FAM171B: variants seen among roughly 807,000 people sequenced by gnomAD.
FAM171B encodes protein FAM171B.
In FAM171B, 19 loss-of-function variants were observed where a neutral mutation model predicts 75.6. That is an observed-to-expected ratio of 0.25 (90% CI 0.18 to 0.37). FAM171B has a LOEUF of 0.37. Among genes scored for constraint, FAM171B ranks in the 10% least tolerant of loss-of-function variants. The pLI, the probability that FAM171B is intolerant of heterozygous loss-of-function variation, is 1.00. For synonymous variants in FAM171B, 367 were observed against 361.7 expected, an observed-to-expected ratio of 1.01 and a Z score of -0.17; for missense variants, 848 against 982.4, an observed-to-expected ratio of 0.86 and a Z score of 1.83.
chr2:186,736,898 T>A (rs1016433112), intron 1 of FAM171B, among the ~76,000 whole-genome samples: 2 of 152,170 alleles, frequency 1.3e-5, no homozygotes, highest in Non-Finnish European at 2.9e-5. Context: ...AAAATAGGTT[T>A]ATGCAAATGT....
intron 4 of FAM171B, 143 bp from the exon 5 acceptor site, chr2:186,750,991 C>T: frequency 1.9e-6 from 1 of 531,304 alleles, no homozygotes; most frequent in East Asian, 3.0e-5. Context: ...TTAAAAAATC[C>T]TTAATGTGTA....
At chr2:186,712,966 A>G (rs2105775573) in intron 1 of FAM171B, among the ~76,000 whole-genome samples, 1 of 152,378 alleles carries the variant, frequency 6.6e-6, no homozygotes, top group African/African-American at 2.4e-5. Flanking sequence ...TTCAATAATT[A>G]TCAAATGAAA....
At chr2:186,725,753 G>A (rs1236092695) in intron 1 of FAM171B, among the ~76,000 whole-genome samples, 1 of 152,150 alleles carries the variant, frequency 6.6e-6, no homozygotes, top group Non-Finnish European at 1.5e-5. Context: ...TCTACCTAGT[G>A]CCATCACATG....
At chr2:186,750,145 T>G (rs1690428293) in intron 4 of FAM171B, among the ~76,000 whole-genome samples, 1 of 152,172 alleles carries the variant, frequency 6.6e-6, no homozygotes, top group South Asian at 2.1e-4. Context: ...AGCAAATAGA[T>G]AAAAAGTATA....
rs1415986403 is a variant in FAM171B, at chr2:186,765,060, A to G, written c.*2237A>G. The G allele has an allele frequency of 2.0e-5, 3 of 151,928 alleles. No individual in the cohort carries two copies. Among genetic ancestry groups the G allele is most frequent in the Admixed American group, 1.3e-4 (2 of 15,224 alleles). The allele number at this position is 151,928 out of a possible 1,614,324, so 9.4% of individuals were successfully genotyped here. ...AAAACCTTATTATTTTTTACACTGC[A>G]CATGCTGTTCTCAATTGGTAATTAT... On this transcript the variant is annotated 3_prime_UTR_variant, in exon 8 of 8. Transcript: ENST00000304698.
intron 1 of FAM171B, among the ~76,000 whole-genome samples, chr2:186,723,663 G>T (rs1323751160): frequency 6.6e-6 from 1 of 152,156 alleles, no homozygotes; most frequent in Non-Finnish European, 1.5e-5. Context: ...AAAAGAATTA[G>T]TATATTTACT....
At chr2:186,708,916 A>G (rs895496653) in intron 1 of FAM171B, among the ~76,000 whole-genome samples, 1 of 152,214 alleles carries the variant, frequency 6.6e-6, no homozygotes, top group African/African-American at 2.4e-5. Flanking sequence ...CCATTCTTGC[A>G]CTGCTATAAA....
At chr2:186,713,059 T>C (rs1160557734) in intron 1 of FAM171B, among the ~76,000 whole-genome samples, 2 of 152,248 alleles carry the variant, frequency 1.3e-5, no homozygotes, top group African/African-American at 2.4e-5. Context: ...GGTGACCATC[T>C]AAACCTCAGT....
At chr2:186,712,978 T>C (rs1261480629) in intron 1 of FAM171B, among the ~76,000 whole-genome samples, 2 of 152,212 alleles carry the variant, frequency 1.3e-5, no homozygotes, top group Admixed American at 1.3e-4. Flanking sequence ...CAAATGAAAG[T>C]TCTATTTTTC....
rs1317100570 is a variant in FAM171B, at chr2:186,765,910, A to T, written c.*3087A>T. 1 of 152,152 alleles carries T rather than the reference A, an allele frequency of 6.6e-6. No individual in the cohort carries two copies. The highest frequency in any genetic ancestry group is 1.9e-4 in the East Asian group (1 of 5,200). The allele number at this position is 152,152 out of a possible 1,614,324, so 9.4% of individuals were successfully genotyped here. On this transcript the variant is annotated 3_prime_UTR_variant, in exon 8 of 8. Transcript: ENST00000304698. ...AAACTGTAACAACCTGAAGATTTGT[A>T]AAATGTTAAACATAGTTCATTAAAA...
chr2:186,733,328 G>A (rs1390717122), intron 1 of FAM171B, among the ~76,000 whole-genome samples: 1 of 152,188 alleles, frequency 6.6e-6, no homozygotes, highest in Non-Finnish European at 1.5e-5. Context: ...CAAGGCAGGG[G>A]AATTGCAATG....
At chr2:186,750,550 T>C (rs1293427010) in intron 4 of FAM171B, among the ~76,000 whole-genome samples, 1 of 152,226 alleles carries the variant, frequency 6.6e-6, no homozygotes, top group African/African-American at 2.4e-5. Flanking sequence ...TGATTTTGTT[T>C]CATGTTTAAT....
intron 1 of FAM171B, among the ~76,000 whole-genome samples, chr2:186,709,481 A>G (rs1689780743): frequency 2.0e-5 from 3 of 152,168 alleles, no homozygotes. Flanking sequence ...CCCCATTTCT[A>G]TCAATTTATT....
intron 1 of FAM171B, among the ~76,000 whole-genome samples, chr2:186,701,484 GTCCTACA>G (rs1353693715): frequency 1.3e-5 from 2 of 151,894 alleles, no homozygotes; most frequent in Non-Finnish European, 2.9e-5. Context: ...TGTACTTTTT[GTCCTACA>G]TCTCACCATT....
chr2:186,739,458 A>C (rs892947692), intron 1 of FAM171B, among the ~76,000 whole-genome samples: 2 of 152,090 alleles, frequency 1.3e-5, no homozygotes, highest in African/African-American at 4.8e-5. Flanking sequence ...TCCTTATTTG[A>C]TAAGCTTTTT....
intron 1 of FAM171B, among the ~76,000 whole-genome samples, chr2:186,698,695 T>C (rs1160319952): frequency 1.3e-5 from 2 of 152,206 alleles, no homozygotes; most frequent in African/African-American, 2.4e-5. Flanking sequence ...TTACTATATT[T>C]ACCCTGTTGT....
chr2:186,765,790 C>T lies in FAM171B; in HGVS notation c.*2967C>T, dbSNP rs1173250061. ...TTCAGATCTAGAATTGACATTTTGC[C>T]TTCTTGTTTCCAGGTGTTTCTATTT... On this transcript the variant is annotated 3_prime_UTR_variant, in exon 8 of 8. Transcript: ENST00000304698. The T allele has an allele frequency of 1.3e-5, 2 of 152,018 alleles. No homozygotes were observed. The highest frequency in any genetic ancestry group is 1.3e-4 in the Admixed American group (2 of 15,240). 9.4% of individuals were successfully genotyped at this position (152,018 alleles called of 1,614,324 possible).
intron 1 of FAM171B, among the ~76,000 whole-genome samples, chr2:186,737,762 A>G (rs546323695): frequency 3.3e-5 from 5 of 152,254 alleles, no homozygotes; most frequent in Non-Finnish European, 7.3e-5. Context: ...AAAAAATAAA[A>G]GAGCTAGCCA....
chr2:186,698,892 G>C (rs1369176052), intron 1 of FAM171B, among the ~76,000 whole-genome samples: 1 of 152,058 alleles, frequency 6.6e-6, no homozygotes, highest in Non-Finnish European at 1.5e-5. Context: ...TGCAAAGTTT[G>C]TCTGTGCCTG....
Sources: allele counts gnomAD v4.1 joint callset (sites outside exome capture counted in the v4.1 genomes callset), GRCh38; gene constraint gnomAD v4.1.1; transcripts MANE v1.5; gene names NCBI Gene and HGNC (gene_info 2026-07-23, HGNC 2026-07-21).